The following HIP1 variants were observed in gnomAD, a reference collection of about 807,000 sequenced individuals.
HIP1 encodes huntingtin interacting protein 1, also known as huntingtin-interacting protein 1.
A neutral mutation model predicts 147.6 loss-of-function variants in HIP1; 65 were observed. The ratio of observed to expected loss-of-function variants is 0.44; its 90% CI spans 0.36 to 0.54. The LOEUF is 0.54. Among genes scored for constraint, HIP1 ranks in the 20% least tolerant of loss-of-function variants. The pLI, the probability that HIP1 is intolerant of heterozygous loss-of-function variation, is 0.00. For synonymous variants in HIP1, 479 were observed against 504.0 expected (o/e 0.95, Z 0.67); for missense variants, 1,061 against 1,299.6 (o/e 0.82, Z 2.82).
chr7:75,551,197 T>TTTTTTTTTTTTA (rs1794769369), intron 22 of HIP1, among the ~76,000 whole-genome samples: 1 of 126,904 alleles, frequency 7.9e-6, no homozygotes, highest in African/African-American at 3.2e-5. Flanking sequence ...TAATTTTTTT[T>TTTTTTTTTTTTA]TTTTTTTTTT....
intron 19 of HIP1, among the ~76,000 whole-genome samples, chr7:75,554,915 A>G (rs1794931795): frequency 6.6e-6 from 1 of 151,904 alleles, no homozygotes. Context: ...AAATTAAAAA[A>G]TTAGCCAAGG....
At chr7:75,628,862 C>A (rs1350817254) in intron 1 of HIP1, among the ~76,000 whole-genome samples, 4 of 152,292 alleles carry the variant, frequency 2.6e-5, no homozygotes, top group African/African-American at 9.6e-5. Flanking sequence ...TGGGTGGGTC[C>A]TCAGTGTCTG....
chr7:75,642,929 C>G (rs1184477787), intron 1 of HIP1, among the ~76,000 whole-genome samples: 2 of 152,226 alleles, frequency 1.3e-5, no homozygotes, highest in Non-Finnish European at 2.9e-5. Flanking sequence ...TGCCCTGGCC[C>G]TTACTTCCAG....
chr7:75,540,482 T>A (rs912261400), intron 29 of HIP1, among the ~76,000 whole-genome samples: 17 of 150,716 alleles, frequency 1.1e-4, no homozygotes, highest in Non-Finnish European at 2.1e-4. Context: ...TGGTGGTGTG[T>A]ATCTGTAGTC....
chr7:75,616,618 G>A (rs1584885241), intron 1 of HIP1, among the ~76,000 whole-genome samples: 1 of 99,178 alleles, frequency 1.0e-5, no homozygotes, highest in African/African-American at 2.7e-5. Context: ...AGGAGGAAGA[G>A]GAGGAGGACG....
At chr7:75,664,331 T>TACACAC (rs1799469642) in intron 1 of HIP1, among the ~76,000 whole-genome samples, 1 of 139,996 alleles carries the variant, frequency 7.1e-6, no homozygotes, top group African/African-American at 2.5e-5. Flanking sequence ...TACACATGCA[T>TACACAC]ATATATGTGT....
intron 7 of HIP1, among the ~76,000 whole-genome samples, chr7:75,579,655 T>C (rs2116915955): frequency 6.6e-6 from 1 of 152,270 alleles, no homozygotes; most frequent in East Asian, 1.9e-4. Flanking sequence ...ACAGAATTTG[T>C]TGCCCTGTCC....
At chr7:75,595,338 G>A (rs1196361420) in intron 2 of HIP1, among the ~76,000 whole-genome samples, 5 of 117,328 alleles carry the variant, frequency 4.3e-5, no homozygotes, top group African/African-American at 6.4e-5. Flanking sequence ...TCTCTCGTTC[G>A]TTCTTTCTTT....
At chr7:75,614,993 G>A (rs1479842563) in intron 1 of HIP1, among the ~76,000 whole-genome samples, 4 of 151,708 alleles carry the variant, frequency 2.6e-5, no homozygotes, top group African/African-American at 9.7e-5. Context: ...GTCTTGTCTC[G>A]AACTCCTGAC....
chr7:75,541,990 TGGAAACAAGAA>T lies in HIP1; in HGVS notation c.2891-21_2891-11del. 6 of 1,612,928 alleles carry T rather than the reference TGGAAACAAGAA, an allele frequency of 3.7e-6. No individual in the cohort carries two copies. The highest frequency in any genetic ancestry group is 5.1e-6 in the Non-Finnish European group (6 of 1,178,906). On this transcript the variant is annotated splice_polypyrimidine_tract_variant and intron_variant, in intron 28 of 30. Transcript: ENST00000336926. Reference sequence around the variant, plus strand: ...GAGAAGTCCATGTTGTCTGCAAGGATGGAAACAAGAAGGTCTCATCAAATTCTACCCTGGCT... The same window carrying T: ...GAGAAGTCCATGTTGTCTGCAAGGATGGTCTCATCAAATTCTACCCTGGCT...
chr7:75,620,483 T>C (rs1797810816), intron 1 of HIP1, among the ~76,000 whole-genome samples: 1 of 150,976 alleles, frequency 6.6e-6, no homozygotes, highest in Non-Finnish European at 1.5e-5. Flanking sequence ...GGTCAGAAGT[T>C]CGAGACCAGC....
rs117093449 is a variant in HIP1 at position 75,721,854 on chromosome 7, C to T, written c.120+16947G>A. On this transcript the variant is annotated intron_variant, in intron 1 of 30. Transcript: ENST00000336926. ...CACTGTTAACCAGGAGAGAGGGTCT[C>T]ATAGAGAGGGAAGAGGCAAACAGGA... Among the ~76,000 whole-genome samples the T allele has an allele frequency of 6.5e-3, 987 of 152,308 alleles. 6 individuals carry two copies. Among genetic ancestry groups the T allele is most frequent in the Middle Eastern group, 0.027 (8 of 294 alleles).
chr7:75,657,623 C>T (rs1487682534), intron 1 of HIP1, among the ~76,000 whole-genome samples: 1 of 151,486 alleles, frequency 6.6e-6, no homozygotes, highest in Non-Finnish European at 1.5e-5. Flanking sequence ...TTCCTAAGTG[C>T]ATTAAACAGA....
chr7:75,547,080 C>T, intron 24 of HIP1, 48 bp from the exon 25 acceptor site: 1 of 1,392,578 alleles, frequency 7.2e-7, no homozygotes. Flanking sequence ...GATCCAAGAT[C>T]AATGAACACG....
At chr7:75,542,404 G>GA (rs199817001) in intron 28 of HIP1, among the ~76,000 whole-genome samples, 84 of 146,004 alleles carry the variant, frequency 5.8e-4, no homozygotes, top group African/African-American at 1.3e-3. Context: ...CTAAAAAAAA[G>GA]AAAAAAAAAT....
chr7:75,724,671 G>C (rs1305606561), intron 1 of HIP1, among the ~76,000 whole-genome samples: 1 of 152,204 alleles, frequency 6.6e-6, no homozygotes, highest in Non-Finnish European at 1.5e-5. Context: ...TCTGCTAGAT[G>C]CTGGGGCAAT....
At chr7:75,540,111 A>G (rs587678557) in intron 29 of HIP1, among the ~76,000 whole-genome samples, 13 of 152,236 alleles carry the variant, frequency 8.5e-5, no homozygotes, top group East Asian at 7.7e-4. Context: ...CATTAATGTA[A>G]TTTATTTTAT....
intron 1 of HIP1, among the ~76,000 whole-genome samples, chr7:75,620,944 C>T (rs587742700): frequency 4.0e-5 from 6 of 151,892 alleles, no homozygotes; most frequent in East Asian, 1.9e-4. Flanking sequence ...TTTAAAGTGA[C>T]GAGAGGCTGG....
At chr7:75,542,710 TAAAG>T (rs1794381989) in intron 28 of HIP1, 137 bp downstream of exon 28, 1 of 862,800 alleles carries the variant, frequency 1.2e-6, no homozygotes, top group Admixed American at 2.9e-5. Context: ...AAAACAGAAA[TAAAG>T]AAAAAATAAA....
Sources: allele counts gnomAD v4.1 joint callset (sites outside exome capture counted in the v4.1 genomes callset), GRCh38; gene constraint gnomAD v4.1.1; transcripts MANE v1.5; gene names NCBI Gene and HGNC (gene_info 2026-07-23, HGNC 2026-07-21).